SYT9: variants seen among roughly 807,000 people sequenced by gnomAD.
The protein encoded by SYT9 is synaptotagmin 9, also known as synaptotagmin-9.
A neutral mutation model predicts 48.4 loss-of-function variants in SYT9; 22 were observed. The ratio of observed to expected loss-of-function variants is 0.45; its 90% CI spans 0.32 to 0.65. SYT9 has a LOEUF of 0.65. SYT9 is among the 30% of genes least tolerant of loss of function. The pLI, the probability that SYT9 is intolerant of heterozygous loss-of-function variation, is 0.03. For missense variants in SYT9, 577 were observed against 622.0 expected, an observed-to-expected ratio of 0.93 and a Z score of 0.77; for synonymous variants, 265 against 245.0, an observed-to-expected ratio of 1.08 and a Z score of -0.76.
chr11:7,347,555 TG>T (rs1405895105), intron 3 of SYT9, among the ~76,000 whole-genome samples: 1 of 152,066 alleles, frequency 6.6e-6, no homozygotes, highest in Non-Finnish European at 1.5e-5. Flanking sequence ...CATCAAAGCA[TG>T]GGGAAGTTTC....
intron 3 of SYT9, among the ~76,000 whole-genome samples, chr11:7,412,822 T>C (rs1359322087): frequency 6.6e-6 from 1 of 152,164 alleles, no homozygotes; most frequent in Non-Finnish European, 1.5e-5. Flanking sequence ...GCCAGTCTCA[T>C]GGTGCTTGCA....
chr11:7,362,704 CAT>C (rs58044408), intron 3 of SYT9, among the ~76,000 whole-genome samples: 3,731 of 151,570 alleles, frequency 0.025, 160 homozygotes, highest in African/African-American at 0.087. Context: ...GTACTTATCG[CAT>C]ATATATATAT....
chr11:7,297,102 C>CAGAG (rs35567024), intron 1 of SYT9, among the ~76,000 whole-genome samples: 12,033 of 143,738 alleles, frequency 0.084, 620 homozygotes, highest in East Asian at 0.23. Context: ...GAGAGAGAGA[C>CAGAG]AGAGAGAGAG....
intron 3 of SYT9, among the ~76,000 whole-genome samples, chr11:7,368,817 A>G (rs565347249): frequency 1.2e-4 from 18 of 152,282 alleles, no homozygotes; most frequent in African/African-American, 3.4e-4. Context: ...TATTGCTGCA[A>G]TGAACATACG....
chr11:7,274,549 C>T (rs1254886843), intron 1 of SYT9, among the ~76,000 whole-genome samples: 2 of 152,148 alleles, frequency 1.3e-5, no homozygotes, highest in African/African-American at 4.8e-5. Context: ...AACTCCTGAC[C>T]TCACGTGATC....
At chr11:7,459,574 G>A (rs191362447) in intron 6 of SYT9, among the ~76,000 whole-genome samples, 92 of 152,296 alleles carry the variant, frequency 6.0e-4, no homozygotes, top group Admixed American at 3.9e-3. Flanking sequence ...TTACCAATGT[G>A]CTGGATATTG....
chr11:7,260,720 G>T (rs1022633627), intron 1 of SYT9, among the ~76,000 whole-genome samples: 5 of 152,166 alleles, frequency 3.3e-5, no homozygotes, highest in African/African-American at 1.2e-4. Flanking sequence ...GGTCCTAACA[G>T]ATTGGAATCA....
chr11:7,463,499 GAAC>G (rs76600640), intron 6 of SYT9, among the ~76,000 whole-genome samples: 9,255 of 152,178 alleles, frequency 0.061, 322 homozygotes, highest in Middle Eastern at 0.12. Flanking sequence ...AAAGGGGGCT[GAAC>G]AACAACAGCA....
At chr11:7,358,668 G>A (rs1850069024) in intron 3 of SYT9, among the ~76,000 whole-genome samples, 2 of 152,042 alleles carry the variant, frequency 1.3e-5, no homozygotes, top group Admixed American at 1.3e-4. Flanking sequence ...CATGTTTTTA[G>A]AAAACCTAAT....
upstream of SYT9, among the ~76,000 whole-genome samples, chr11:7,250,283 G>A (rs1380479745): frequency 6.6e-6 from 1 of 152,162 alleles, no homozygotes; most frequent in African/African-American, 2.4e-5. Flanking sequence ...ATCAGCTAAT[G>A]CCTTTGGCCT....
chr11:7,419,938 A>G (rs1377467340), intron 5 of SYT9, among the ~76,000 whole-genome samples: 2 of 152,206 alleles, frequency 1.3e-5, no homozygotes, highest in Non-Finnish European at 2.9e-5. Context: ...GGAGCTATGT[A>G]TCTTTCTATA....
intron 3 of SYT9, among the ~76,000 whole-genome samples, chr11:7,363,183 G>A (rs1466476974): frequency 6.6e-6 from 1 of 151,472 alleles, no homozygotes. Context: ...TTTCTTATTG[G>A]TGTCCTGGAA....
In SYT9 at chr11:7,310,444, A is replaced by ATTT. The variant is rs34469345; in HGVS notation, c.498-2933_498-2931dup. On this transcript the variant is annotated intron_variant, in intron 2 of 6. Coordinates refer to ENST00000318881, the MANE Select transcript of SYT9 (RefSeq NM_175733.4). ...CCATTGTGCCTAGCCCATAACTGTG[A>ATTT]TTTTTTTTTTTTTTTTTTTTGAGAC... Among the ~76,000 whole-genome samples the ATTT allele has an allele frequency of 2.7e-3, 308 of 115,028 alleles. 6 individuals carry two copies. The highest frequency in any genetic ancestry group is 4.4e-3 in the South Asian group (15 of 3,398). The allele number at this position is 115,028 out of a possible 152,430, so 75.5% of individuals were successfully genotyped here. A position where few individuals can be genotyped will look rare whatever the true frequency, so the allele number is the denominator to read the frequency against.
At chr11:7,254,127 G>A (rs1487858) in intron 1 of SYT9, among the ~76,000 whole-genome samples, 2,089 of 152,278 alleles carry the variant, frequency 0.014, 51 homozygotes, top group African/African-American at 0.048. Flanking sequence ...GAGTCACTAA[G>A]TAGGCTTCTT....
chr11:7,276,235 A>G (rs1027189668), intron 1 of SYT9, among the ~76,000 whole-genome samples: 1 of 152,080 alleles, frequency 6.6e-6, no homozygotes, highest in Non-Finnish European at 1.5e-5. Context: ...CGCCAGTTTT[A>G]TCTCGTAATA....
At chr11:7,324,788 G>A (rs1188260205) in intron 3 of SYT9, among the ~76,000 whole-genome samples, 3 of 151,792 alleles carry the variant, frequency 2.0e-5, no homozygotes, top group Non-Finnish European at 2.9e-5. Flanking sequence ...GTTCAAATTT[G>A]CTTTATGTTC....
intron 3 of SYT9, among the ~76,000 whole-genome samples, chr11:7,403,428 T>G (rs1295134382): frequency 6.6e-6 from 1 of 152,180 alleles, no homozygotes; most frequent in African/African-American, 2.4e-5. Flanking sequence ...GACATGTGCC[T>G]GTAGTCACAG....
intron 3 of SYT9, among the ~76,000 whole-genome samples, chr11:7,329,261 A>C (rs557890902): frequency 1.3e-5 from 2 of 152,042 alleles, no homozygotes; most frequent in Non-Finnish European, 2.9e-5. Flanking sequence ...ATTTCTTTAC[A>C]TCTGTTTTTG....
chr11:7,442,704 C>T (rs1847849582), intron 6 of SYT9, among the ~76,000 whole-genome samples: 1 of 152,134 alleles, frequency 6.6e-6, no homozygotes, highest in Non-Finnish European at 1.5e-5. Context: ...TTCCTTGACC[C>T]AATGACAAGC....
Sources: gnomAD v4.1 joint callset for allele counts (sites outside exome capture counted in the v4.1 genomes callset) on GRCh38, gnomAD v4.1.1 for gene constraint, MANE v1.5 for transcripts, NCBI Gene and HGNC (gene_info 2026-07-23, HGNC 2026-07-21) for gene names.